Variants in SPPL2A observed in about 807,000 individuals in gnomAD.
SPPL2A encodes the protein signal peptide peptidase-like 2A.
SPPL2A carries 51 observed loss-of-function variants against 63.8 expected under a neutral mutation model. The ratio of observed to expected loss-of-function variants is 0.80; its 90% CI spans 0.64 to 1.01. SPPL2A has a LOEUF of 1.01. Ranked by LOEUF, SPPL2A falls within the 50% of genes least tolerant of loss-of-function variation. SPPL2A has a pLI of 0.00. For missense variants in SPPL2A, 553 were observed against 622.7 expected, an observed-to-expected ratio of 0.89 and a Z score of 1.19; for synonymous variants, 188 against 205.8, an observed-to-expected ratio of 0.91 and a Z score of 0.74.
intron 14 of SPPL2A, among the ~76,000 whole-genome samples, chr15:50,716,011 T>C (rs571535359): frequency 1.5e-4 from 23 of 152,192 alleles, no homozygotes; most frequent in African/African-American, 5.5e-4. Context: ...TAAAATGCAC[T>C]GAAAAAGAAA....
At chr15:50,765,245 G>A (rs868501922) in intron 1 of SPPL2A, among the ~76,000 whole-genome samples, 6 of 152,092 alleles carry the variant, frequency 3.9e-5, no homozygotes, top group Middle Eastern at 3.4e-3. Flanking sequence ...GGCGGGAACC[G>A]AGTGGGGGGC....
chr15:50,702,997 C>T lies in SPPL2A; in HGVS notation c.*4803G>A, dbSNP rs1317176551. 6.6e-6 allele frequency: 1 copy of T among 151,866 alleles called. No homozygotes were observed. The highest frequency in any genetic ancestry group is 1.5e-5 in the Non-Finnish European group (1 of 67,998). 9.4% of individuals were successfully genotyped at this position (151,866 alleles called of 1,614,324 possible). A position where few individuals can be genotyped will look rare whatever the true frequency, so the allele number is the denominator to read the frequency against. On this transcript the variant is annotated 3_prime_UTR_variant, in exon 15 of 15. Coordinates refer to ENST00000261854, the MANE Select transcript of SPPL2A (RefSeq NM_032802.4). The stretch of plus-strand genomic sequence containing the variant: ...AGGTTGAGTAATTTGATTCAGATCT[C>T]TTGAATTTACAGAGTACTTTTCCTC...
At chr15:50,733,008 T>C (rs1368611811) in intron 8 of SPPL2A, among the ~76,000 whole-genome samples, 1 of 152,134 alleles carries the variant, frequency 6.6e-6, no homozygotes, top group Non-Finnish European at 1.5e-5. Context: ...AAACCCCTCA[T>C]ATACTCTATA....
rs2063053772 is a variant in SPPL2A, at chr15:50,765,604, C to T, written c.-71G>A. 2.7e-6 allele frequency: 3 copies of T among 1,091,860 alleles called. No homozygotes were observed. Among genetic ancestry groups the T allele is most frequent in the East Asian group, 3.2e-5 (1 of 30,934 alleles). The allele number at this position is 1,091,860 out of a possible 1,614,324, so 67.6% of individuals were successfully genotyped here. A position where few individuals can be genotyped will look rare whatever the true frequency, so the allele number is the denominator to read the frequency against. On this transcript the variant is annotated 5_prime_UTR_variant, in exon 1 of 15. Coordinates refer to ENST00000261854, the MANE Select transcript of SPPL2A (RefSeq NM_032802.4). The stretch of plus-strand genomic sequence containing the variant: ...ACTCGGCGGGGTAGGCTCGGAGTCC[C>T]GCCGCTGCGCTGCCTCCGTGGCCGG...
chr15:50,754,302 AT>A (rs2062935693), intron 1 of SPPL2A, among the ~76,000 whole-genome samples: 1 of 152,178 alleles, frequency 6.6e-6, no homozygotes, highest in Non-Finnish European at 1.5e-5. Flanking sequence ...CATAGTTTAC[AT>A]TAGGGTTCAT....
chr15:50,754,717 G>T (rs1596398031), intron 1 of SPPL2A, among the ~76,000 whole-genome samples: 1 of 152,270 alleles, frequency 6.6e-6, no homozygotes. Flanking sequence ...ACGCAAATTG[G>T]CCAGGCATGG....
At chr15:50,730,881 C>G in intron 10 of SPPL2A, 84 bp downstream of exon 10, 1 of 659,356 alleles carries the variant, frequency 1.5e-6, no homozygotes, top group African/African-American at 1.8e-5. Context: ...TGGTAAACAT[C>G]TGCAAAATTA....
In SPPL2A at chr15:50,759,646, G is replaced by T. The variant is rs11635866; in HGVS notation, c.66+5822C>A. ...CAGTCCCAGCTACTCGGGAGGCTGA[G>T]GCAGGAGAATGGCGTGAAGCCAGGA... On this transcript the variant is annotated intron_variant, in intron 1 of 14. Coordinates refer to ENST00000261854, the MANE Select transcript of SPPL2A (RefSeq NM_032802.4). Among the ~76,000 whole-genome samples the T allele has an allele frequency of 5.9e-5, 9 of 152,146 alleles. No homozygotes were observed. The South Asian group carries it at 1.9e-3, about 32-fold the overall frequency.
In SPPL2A at chr15:50,725,549, G is replaced by A. The variant is rs184159043; in HGVS notation, c.1147-226C>T. 1,837 of 334,140 alleles carry A rather than the reference G, an allele frequency of 5.5e-3. 12 individuals carry two copies. The highest frequency in any genetic ancestry group is 0.011 in the Middle Eastern group (12 of 1,048). The allele number at this position is 334,140 out of a possible 1,614,324, so 20.7% of individuals were successfully genotyped here. A position where few individuals can be genotyped will look rare whatever the true frequency, so the allele number is the denominator to read the frequency against. ...AGGTTCAAGCAATTCTCCTGCCTCA[G>A]CCTCCCAAGTAGCTGGGATTACAGG... On this transcript the variant is annotated intron_variant, in intron 11 of 14. Coordinates refer to ENST00000261854, the MANE Select transcript of SPPL2A (RefSeq NM_032802.4).
At chr15:50,732,865 T>G (rs1169142553) in intron 8 of SPPL2A, among the ~76,000 whole-genome samples, 181 bp from the exon 9 acceptor site, 1 of 152,006 alleles carries the variant, frequency 6.6e-6, no homozygotes, top group Admixed American at 6.6e-5. Flanking sequence ...CTCGGCTAAC[T>G]GCAACCTTCA....
chr15:50,718,646 GTAT>G (rs1205253651), intron 14 of SPPL2A, among the ~76,000 whole-genome samples: 5 of 152,044 alleles, frequency 3.3e-5, no homozygotes, highest in African/African-American at 1.2e-4. Flanking sequence ...GGCAAGACAG[GTAT>G]TATTAGCTTA....
Position 50,716,014 on chromosome 15 carries a change from AAAAG to A in SPPL2A, c.1488+3922_1488+3925del, listed in dbSNP as rs1452591238. Among the ~76,000 whole-genome samples, 6 of 152,288 alleles carry A rather than the reference AAAAG, an allele frequency of 3.9e-5. No individual in the cohort carries two copies. The South Asian group carries it at 1.0e-3, about 26-fold the overall frequency. On this transcript the variant is annotated intron_variant, in intron 14 of 14. Coordinates refer to ENST00000261854, the MANE Select transcript of SPPL2A (RefSeq NM_032802.4). Reference sequence around the variant, plus strand: ...TAAAATAAAATATAAAATGCACTGAAAAAGAAAGAGAACTATTTATAGTATCATT... The same window carrying A: ...TAAAATAAAATATAAAATGCACTGAAAAAGAGAACTATTTATAGTATCATT...
At chr15:50,724,703 AG>A (rs1373412242) in intron 12 of SPPL2A, among the ~76,000 whole-genome samples, 1 of 152,228 alleles carries the variant, frequency 6.6e-6, no homozygotes, top group African/African-American at 2.4e-5. Context: ...CAGTGAGGAA[AG>A]TAAGGCAAAA....
At chr15:50,711,223 T>TC (rs1489182351) in intron 14 of SPPL2A, among the ~76,000 whole-genome samples, 1 of 151,516 alleles carries the variant, frequency 6.6e-6, no homozygotes, top group Admixed American at 6.6e-5. Context: ...TTTTTTTTTT[T>TC]TGTGAGATGG....
At chr15:50,709,990 A>AT (rs145830259) in intron 14 of SPPL2A, among the ~76,000 whole-genome samples, 4,344 of 152,278 alleles carry the variant, frequency 0.029, 79 homozygotes, top group Middle Eastern at 0.1. Context: ...TACATGAAAC[A>AT]TAAGATGAAG....
intron 5 of SPPL2A, 90 bp from the exon 6 acceptor site, chr15:50,739,918 G>T: frequency 1.5e-6 from 1 of 689,398 alleles, no homozygotes; most frequent in Non-Finnish European, 2.2e-6. Flanking sequence ...ATCTGTTTCT[G>T]AAGAAAACAA....
intron 9 of SPPL2A, among the ~76,000 whole-genome samples, chr15:50,731,270 G>C (rs1026670687): frequency 2.0e-5 from 3 of 151,962 alleles, no homozygotes; most frequent in Admixed American, 6.6e-5. Context: ...TGCTGGGTTG[G>C]GCCTGGTGGC....
intron 12 of SPPL2A, among the ~76,000 whole-genome samples, chr15:50,722,487 C>T (rs2062656310): frequency 6.6e-6 from 1 of 151,710 alleles, no homozygotes; most frequent in Non-Finnish European, 1.5e-5. Context: ...GACGGAGTCT[C>T]GCTCTGTTGC....
At chr15:50,730,366 G>GTCT (rs2062720745) in intron 10 of SPPL2A, among the ~76,000 whole-genome samples, 1 of 152,118 alleles carries the variant, frequency 6.6e-6, no homozygotes, top group African/African-American at 2.4e-5. Context: ...GTGGCCCTGA[G>GTCT]TCTAGTTTCT....
Sources: allele counts gnomAD v4.1 joint callset (sites outside exome capture counted in the v4.1 genomes callset), GRCh38; gene constraint gnomAD v4.1.1; transcripts MANE v1.5; gene names NCBI Gene and HGNC (gene_info 2026-07-23, HGNC 2026-07-21).